The following TENM2 variants were observed in gnomAD, a reference collection of about 807,000 sequenced individuals.
The protein encoded by TENM2 is teneurin-2.
In TENM2, 52 loss-of-function variants were observed where a neutral mutation model predicts 245.2. That is an observed-to-expected ratio of 0.21 (90% CI 0.17 to 0.27). The LOEUF is 0.27. Among genes scored for constraint, TENM2 ranks in the 10% least tolerant of loss-of-function variants. TENM2 has a pLI of 1.00. For missense variants in TENM2, 3,046 were observed against 3,666.8 expected (o/e 0.83, Z 4.37); for synonymous variants, 1,363 against 1,438.9 (o/e 0.95, Z 1.19).
intron 2 of TENM2, chr5:167,653,751 C>G (rs949184123): frequency 6.6e-6 from 1 of 152,166 alleles, no homozygotes; most frequent in Admixed American, 6.5e-5. Context: ...CGCTACATTT[C>G]TCTGGCCATA....
the TENM2 span, among the ~76,000 whole-genome samples, chr5:167,166,844 G>A: frequency 1.4e-4 from 21 of 152,138 alleles, no homozygotes; most frequent in Admixed American, 3.9e-4. Context: ...GCAGAGCACA[G>A]GGAGTCAGAG....
At chr5:167,310,082 A>G (rs1317678393) in intron 1 of TENM2, among the ~76,000 whole-genome samples, 2 of 152,212 alleles carry the variant, frequency 1.3e-5, no homozygotes, top group African/African-American at 4.8e-5. Context: ...AATGTAGACC[A>G]TATTGGAAAC....
the TENM2 span, among the ~76,000 whole-genome samples, chr5:167,125,021 T>C: frequency 1.3e-5 from 2 of 152,298 alleles, no homozygotes; most frequent in African/African-American, 4.8e-5. Flanking sequence ...TTAAGTGATG[T>C]TCCTGCAGTA....
the TENM2 span, among the ~76,000 whole-genome samples, chr5:167,005,085 C>CT: frequency 6.6e-6 from 1 of 152,122 alleles, no homozygotes; most frequent in Non-Finnish European, 1.5e-5. Flanking sequence ...CTAAAAAGGA[C>CT]TTTTCCCCCC....
At chr5:168,012,662 A>C (rs1267289267) in intron 5 of TENM2, among the ~76,000 whole-genome samples, 5 of 140,306 alleles carry the variant, frequency 3.6e-5, no homozygotes, top group African/African-American at 1.1e-4. Context: ...AAAAAAAAAC[A>C]AAAAAAAAAA....
chr5:167,583,038 G>A (rs1439335817), intron 2 of TENM2, among the ~76,000 whole-genome samples: 1 of 152,130 alleles, frequency 6.6e-6, no homozygotes, highest in African/African-American at 2.4e-5. Flanking sequence ...TGTTTGCCAA[G>A]TTTTTCTCTG....
intron 4 of TENM2, among the ~76,000 whole-genome samples, chr5:167,975,363 G>A (rs1782358099): frequency 1.3e-5 from 2 of 152,164 alleles, no homozygotes; most frequent in Non-Finnish European, 2.9e-5. Context: ...TTTGTGATAG[G>A]GATGCTGCAG....
At chr5:168,101,547 C>T (rs1793815753) in intron 9 of TENM2, among the ~76,000 whole-genome samples, 1 of 152,110 alleles carries the variant, frequency 6.6e-6, no homozygotes, top group Non-Finnish European at 1.5e-5. Flanking sequence ...GCATTCACCA[C>T]CTGCAGTGTG....
chr5:168,117,784 G>C (rs1409901298), intron 9 of TENM2, among the ~76,000 whole-genome samples: 3 of 152,126 alleles, frequency 2.0e-5, no homozygotes, highest in African/African-American at 7.2e-5. Flanking sequence ...AATAAGAGTC[G>C]ACTGATCTGA....
chr5:167,780,097 G>A (rs146451879), intron 2 of TENM2, among the ~76,000 whole-genome samples: 1 of 152,272 alleles, frequency 6.6e-6, no homozygotes, highest in African/African-American at 2.4e-5. Context: ...TTACACACTT[G>A]GCATTAAGAA....
intron 12 of TENM2, among the ~76,000 whole-genome samples, chr5:168,132,730 TAAG>T (rs1287525643): frequency 6.6e-6 from 1 of 152,332 alleles, no homozygotes; most frequent in East Asian, 1.9e-4. Flanking sequence ...GACCATGTAA[TAAG>T]AGCTGTTGAA....
chr5:167,962,279 G>C (rs1781072923), intron 4 of TENM2, among the ~76,000 whole-genome samples: 1 of 147,962 alleles, frequency 6.8e-6, no homozygotes, highest in Non-Finnish European at 1.5e-5. Flanking sequence ...CCAAAACCTT[G>C]ACATCCATCA....
chr5:168,136,964 A>G (rs1175430567), intron 12 of TENM2, among the ~76,000 whole-genome samples: 1 of 152,156 alleles, frequency 6.6e-6, no homozygotes, highest in Admixed American at 6.5e-5. Flanking sequence ...TGGAATGGAG[A>G]GGGGACTGCT....
chr5:167,551,194 T>A (rs1772916960), intron 2 of TENM2, among the ~76,000 whole-genome samples: 1 of 152,234 alleles, frequency 6.6e-6, no homozygotes, highest in Admixed American at 6.5e-5. Context: ...CATGTGTATT[T>A]ATATATGGTA....
chr5:167,929,356 G>C (rs1174104765), intron 3 of TENM2, among the ~76,000 whole-genome samples: 2 of 152,136 alleles, frequency 1.3e-5, no homozygotes, highest in African/African-American at 4.8e-5. Context: ...AGCCTATCTT[G>C]CTTGCCAATG....
chr5:167,195,896 T>A, the TENM2 span, among the ~76,000 whole-genome samples: 1 of 152,022 alleles, frequency 6.6e-6, no homozygotes, highest in African/African-American at 2.4e-5. Context: ...TTATTTAAAA[T>A]TTTTTATTGT....
At chr5:167,202,865 G>A in the TENM2 span, among the ~76,000 whole-genome samples, 3 of 152,084 alleles carry the variant, frequency 2.0e-5, no homozygotes, top group Non-Finnish European at 4.4e-5. Flanking sequence ...TGCTGGGAGA[G>A]CACCTTAGCA....
the TENM2 span, among the ~76,000 whole-genome samples, chr5:166,987,140 T>C: frequency 7.3e-3 from 1,115 of 152,276 alleles, 15 homozygotes; most frequent in African/African-American, 0.025. Flanking sequence ...TTTGTGTATG[T>C]TCCCATAGAT....
In TENM2 at chr5:167,700,949, TAAAAAAAAAAAAA is replaced by T. The variant is rs781480259; in HGVS notation, c.503-175025_503-175013del. The stretch of plus-strand genomic sequence containing the variant: ...CAGTACACACAGTTGTTATATTTCT[TAAAAAAAAAAAAA>T]AAAAAAAAAAAGCTAGCAAGTTTTT... On this transcript the variant is annotated intron_variant, in intron 2 of 28. Transcript: ENST00000518659. 6.3e-5 allele frequency among the ~76,000 whole-genome samples: 5 copies of T among 79,892 alleles called. No individual in the cohort carries two copies. The Admixed American group carries it at 8.7e-4, about 14-fold the overall frequency. The allele number at this position is 79,892 out of a possible 152,430, so 52.4% of individuals were successfully genotyped here.
Sources: gnomAD v4.1 joint callset for allele counts (sites outside exome capture counted in the v4.1 genomes callset) on GRCh38, gnomAD v4.1.1 for gene constraint, MANE v1.5 for transcripts, NCBI Gene and HGNC (gene_info 2026-07-23, HGNC 2026-07-21) for gene names.